The following SCP2 variants were observed in gnomAD, a reference collection of about 807,000 sequenced individuals.
SCP2 encodes the protein sterol carrier protein 2.
A neutral mutation model predicts 71.4 loss-of-function variants in SCP2; 48 were observed. The observed-to-expected ratio is 0.67, with a 90% CI of 0.53 to 0.86. The LOEUF (loss-of-function observed/expected upper bound fraction) is 0.86, where lower values mean the gene tolerates loss of function less well. Among genes scored for constraint, SCP2 ranks in the 40% least tolerant of loss-of-function variants. The probability of loss-of-function intolerance (pLI) is 0.00; values close to 1 mark genes in which losing one functional copy is unlikely to be tolerated. For synonymous variants in SCP2, 220 were observed against 218.1 expected, an observed-to-expected ratio of 1.01 and a Z score of -0.08; for missense variants, 560 against 655.6, an observed-to-expected ratio of 0.85 and a Z score of 1.59.
intron 1 of SCP2, among the ~76,000 whole-genome samples, chr1:52,937,414 G>A (rs1653839728): frequency 6.6e-6 from 1 of 152,104 alleles, no homozygotes; most frequent in Non-Finnish European, 1.5e-5. Context: ...AACATTGCTA[G>A]CACCTCAGAA....
At chr1:53,008,076 G>C (rs1230997067) in intron 11 of SCP2, among the ~76,000 whole-genome samples, 2 of 151,038 alleles carry the variant, frequency 1.3e-5, no homozygotes, top group Non-Finnish European at 3.0e-5. Flanking sequence ...AAGACTAAAC[G>C]AGGAAGAAGT....
At chr1:53,004,303 G>A (rs988458929) in intron 11 of SCP2, among the ~76,000 whole-genome samples, 1 of 152,212 alleles carries the variant, frequency 6.6e-6, no homozygotes, top group Non-Finnish European at 1.5e-5. Context: ...TGTGGAAAGT[G>A]AAACCATGGA....
intron 12 of SCP2, among the ~76,000 whole-genome samples, chr1:53,020,167 A>G (rs6588448): frequency 0.32 from 48,086 of 151,954 alleles, 12,715 homozygotes; most frequent in African/African-American, 0.72. Flanking sequence ...GATTACAGAC[A>G]TGAGCCACCA....
intron 7 of SCP2, 119 bp from the exon 8 acceptor site, chr1:52,976,564 A>C: frequency 1.4e-6 from 1 of 696,566 alleles, no homozygotes; most frequent in Non-Finnish European, 2.6e-6. Context: ...ATGGCTATTC[A>C]TAAAAATCTG....
chr1:52,993,275 T>A, intron 11 of SCP2: 1 of 1,614,182 alleles, frequency 6.2e-7, no homozygotes. Flanking sequence ...TTCCTGCTCT[T>A]GAAATTTCCT....
At chr1:53,013,925 T>G (rs1661153917) in intron 11 of SCP2, among the ~76,000 whole-genome samples, 1 of 131,832 alleles carries the variant, frequency 7.6e-6, no homozygotes, top group Non-Finnish European at 1.6e-5. Flanking sequence ...AGACGGAGTC[T>G]TGCTCTGTCG....
In SCP2 at chr1:52,980,408, A is replaced by G. The variant is rs751880143; in HGVS notation, c.838A>G (p.Met280Val). 19 of 1,613,976 alleles carry G rather than the reference A, an allele frequency of 1.2e-5. No homozygotes were observed. The highest frequency in any genetic ancestry group is 3.3e-5 in the South Asian group (3 of 91,052). Residue 280 changes from methionine (M) to valine (V), a missense_variant, in exon 10 of 16, where the codon ATG (methionine) becomes GTG (valine). Coordinates refer to ENST00000371514, the MANE Select transcript of SCP2 (RefSeq NM_002979.5). ...KSIIKMVGFD[M>V]SKEAARKCYE... ...GTTTTGGTTTTAGGTTGGCTTTGAT[A>G]TGAGTAAAGAAGCTGCAAGAAAATG...
At chr1:53,043,889 T>A (rs1345277895) in intron 14 of SCP2, among the ~76,000 whole-genome samples, 1 of 152,176 alleles carries the variant, frequency 6.6e-6, no homozygotes, top group Non-Finnish European at 1.5e-5. Flanking sequence ...ATTTAGACCT[T>A]TTTTCGAGTA....
chr1:52,947,453 A>G (rs1654915210), intron 2 of SCP2, among the ~76,000 whole-genome samples: 1 of 151,540 alleles, frequency 6.6e-6, no homozygotes, highest in Non-Finnish European at 1.5e-5. Flanking sequence ...TTTCAACCTC[A>G]CTGTCCTCTT....
chr1:52,976,309 C>T (rs979998834), intron 7 of SCP2, among the ~76,000 whole-genome samples: 31 of 152,202 alleles, frequency 2.0e-4, no homozygotes, highest in African/African-American at 7.0e-4. Flanking sequence ...GTTGAGCTGG[C>T]TCAAAAGTCT....
At chr1:52,972,470 T>G (rs1657584200) in intron 6 of SCP2, among the ~76,000 whole-genome samples, 3 of 152,206 alleles carry the variant, frequency 2.0e-5, no homozygotes, top group Non-Finnish European at 4.4e-5. Flanking sequence ...GAACATCTCT[T>G]ATGTCAGACA....
intron 6 of SCP2, among the ~76,000 whole-genome samples, chr1:52,971,827 G>A (rs551152161): frequency 3.5e-4 from 53 of 152,312 alleles, no homozygotes; most frequent in African/African-American, 1.3e-3. Context: ...AGGTCAGATA[G>A]TTTGTTTATG....
chr1:52,972,423 T>C (rs1364309113), intron 6 of SCP2, among the ~76,000 whole-genome samples: 2 of 152,150 alleles, frequency 1.3e-5, no homozygotes, highest in African/African-American at 4.8e-5. Flanking sequence ...TCAGATCCTA[T>C]GTTACGAAAA....
chr1:53,039,137 A>G (rs1456883154), intron 14 of SCP2, 91 bp downstream of exon 14: 16 of 1,472,926 alleles, frequency 1.1e-5, no homozygotes, highest in African/African-American at 4.2e-5. Flanking sequence ...ACTGTTCCCA[A>G]AAAGGACTGG....
intron 12 of SCP2, among the ~76,000 whole-genome samples, chr1:53,018,011 C>T (rs1025843137): frequency 4.6e-5 from 7 of 152,134 alleles, no homozygotes; most frequent in Admixed American, 1.3e-4. Context: ...CTCACTACCA[C>T]GCCCGGCTTA....
chr1:52,958,635 T>C (rs13375034), intron 5 of SCP2, among the ~76,000 whole-genome samples: 10,965 of 152,230 alleles, frequency 0.072, 636 homozygotes, highest in East Asian at 0.21. Context: ...TGATATTTGA[T>C]TGTTAGTCTA....
At chr1:52,930,504 T>G (rs1653049833) in intron 1 of SCP2, among the ~76,000 whole-genome samples, 1 of 152,000 alleles carries the variant, frequency 6.6e-6, no homozygotes, top group African/African-American at 2.4e-5. Flanking sequence ...CGCACACCTA[T>G]AGTCCCAACC....
chr1:52,971,547 G>C (rs1457317533), intron 6 of SCP2, among the ~76,000 whole-genome samples: 1 of 152,234 alleles, frequency 6.6e-6, no homozygotes, highest in African/African-American at 2.4e-5. Flanking sequence ...TATTTAACGT[G>C]TGTACACGGG....
At chr1:53,007,028 CAAAG>C (rs1337641983) in intron 11 of SCP2, among the ~76,000 whole-genome samples, 1 of 152,032 alleles carries the variant, frequency 6.6e-6, no homozygotes, top group Non-Finnish European at 1.5e-5. Flanking sequence ...TCAAAAGAGA[CAAAG>C]AAGGCCATTA....
Sources: gnomAD v4.1 joint callset for allele counts (sites outside exome capture counted in the v4.1 genomes callset) on GRCh38, gnomAD v4.1.1 for gene constraint, MANE v1.5 for transcripts, NCBI Gene and HGNC (gene_info 2026-07-23, HGNC 2026-07-21) for gene names.